Variants in FAM178B observed in about 807,000 individuals in gnomAD.
FAM178B encodes the protein protein FAM178B.
In FAM178B, 82 loss-of-function variants were observed where a neutral mutation model predicts 91.7. That is an observed-to-expected ratio of 0.89 (90% CI 0.75 to 1.07). The LOEUF (loss-of-function observed/expected upper bound fraction) is 1.07, where lower values mean the gene tolerates loss of function less well. Ranked by LOEUF, FAM178B falls within the 50% of genes least tolerant of loss-of-function variation. The probability of loss-of-function intolerance (pLI) is 0.00; values close to 1 mark genes in which losing one functional copy is unlikely to be tolerated. For missense variants in FAM178B, 769 were observed against 846.7 expected (o/e 0.91, Z 1.14); for synonymous variants, 368 against 359.4 (o/e 1.02, Z -0.27).
chr2:96,921,620 G>C lies in FAM178B; in HGVS notation c.1322C>G (p.Ala441Gly), dbSNP rs576828386. 8.9e-5 allele frequency: 138 copies of C among 1,551,474 alleles called. No individual in the cohort carries two copies. The highest frequency in any genetic ancestry group is 1.2e-4 in the Non-Finnish European group (133 of 1,146,986). ...TCCCATGAGGTTCTCATCAGTGTAGGCCCCCGGCTGGGCCTGGGCACACAG... is the reference window on the plus strand; with the variant it reads ...TCCCATGAGGTTCTCATCAGTGTAGCCCCCCGGCTGGGCCTGGGCACACAG... ...LALCAQAQPG[A>G]YTDENLMGLI... is the part of the protein sequence containing the mutation. The change falls in exon 11 of 17, where the codon GCC becomes GGC. Residue 441 changes from alanine to glycine, a missense_variant. By Grantham distance (60) the Ala-to-Gly change is moderately conservative. Coordinates refer to ENST00000490605, the MANE Select transcript of FAM178B (RefSeq NM_001122646.3).
intron 1 of FAM178B, among the ~76,000 whole-genome samples, chr2:96,982,437 A>AT (rs34349372): frequency 1.3e-5 from 2 of 151,200 alleles, no homozygotes; most frequent in Non-Finnish European, 2.9e-5. Flanking sequence ...TAATTTTTGT[A>AT]TTTTTTGTAG....
At chr2:96,902,194 C>T (rs1426193087) in intron 13 of FAM178B, among the ~76,000 whole-genome samples, 1 of 151,620 alleles carries the variant, frequency 6.6e-6, no homozygotes, top group Non-Finnish European at 1.5e-5. Context: ...CAAGCTCCAC[C>T]TCCCAGGTTC....
intron 1 of FAM178B, among the ~76,000 whole-genome samples, chr2:96,979,172 TCAC>T (rs1392962965): frequency 2.0e-5 from 3 of 150,948 alleles, no homozygotes; most frequent in Admixed American, 6.6e-5. Flanking sequence ...AGATGGGGTT[TCAC>T]CACGTTGGCC....
At chr2:96,938,505 TTC>T (rs761200149) in intron 8 of FAM178B, among the ~76,000 whole-genome samples, 111 of 152,146 alleles carry the variant, frequency 7.3e-4, no homozygotes, top group Non-Finnish European at 1.5e-3. Context: ...ACATCAGAGC[TTC>T]TCTGGTACAC....
rs1027687722 is a variant in FAM178B, at chr2:96,967,564, G to GA, written c.689_690insT (p.Asp232GlyfsTer3). On this transcript the variant is annotated frameshift_variant, in exon 5 of 17. Coordinates refer to ENST00000490605, the MANE Select transcript of FAM178B (RefSeq NM_001122646.3). LOFTEE classifies it high-confidence loss of function. ...GCACTTCCTCTTCATCAAGATCCAA[G>GA]GAGTTGAGATTGAGACACTCCTGCA... The GA allele has an allele frequency of 1.1e-4, 165 of 1,550,640 alleles. No individual in the cohort carries two copies. The highest frequency in any genetic ancestry group is 1.4e-4 in the Non-Finnish European group (163 of 1,146,900).
Position 96,972,574 on chromosome 2 carries a change from G to T in FAM178B, c.106C>A (p.Pro36Thr). 1.3e-6 allele frequency: 2 copies of T among 1,551,664 alleles called. No homozygotes were observed. Among genetic ancestry groups the T allele is most frequent in the Non-Finnish European group, 1.7e-6 (2 of 1,146,982 alleles). ...GGAAGGGCTAGCACCGTCTCCTGGG[G>T]CCCAGCCATCTGCAAGCCGTGGGAC... ...QMSHGLQMAG[P>T]QETVLALPLR... The change falls in exon 2 of 17, where the codon CCC becomes ACC. Residue 36 changes from proline to threonine, a missense_variant. Physicochemically the swap from Pro to Thr is conservative, Grantham distance 38. Coordinates refer to ENST00000490605, the MANE Select transcript of FAM178B (RefSeq NM_001122646.3).
At chr2:96,914,757 G>A (rs1237433538) in intron 12 of FAM178B, among the ~76,000 whole-genome samples, 5 of 152,032 alleles carry the variant, frequency 3.3e-5, no homozygotes, top group Non-Finnish European at 7.4e-5. Context: ...AGGTGGGATG[G>A]TGCATGCCTG....
intron 5 of FAM178B, among the ~76,000 whole-genome samples, chr2:96,965,497 G>T (rs1310935129): frequency 4.7e-5 from 7 of 150,474 alleles, no homozygotes. Context: ...AGGTCTTGCT[G>T]TGTCACCCAG....
At chr2:96,910,205 A>C (rs2153369972) in intron 12 of FAM178B, among the ~76,000 whole-genome samples, 1 of 152,268 alleles carries the variant, frequency 6.6e-6, no homozygotes, top group Admixed American at 6.5e-5. Flanking sequence ...CCCCTAGAGA[A>C]TAACCTGGAG....
intron 5 of FAM178B, among the ~76,000 whole-genome samples, chr2:96,965,980 C>T (rs2082137762): frequency 6.6e-6 from 1 of 152,064 alleles, no homozygotes; most frequent in South Asian, 2.1e-4. Flanking sequence ...CCTGCCAAGG[C>T]CTCCTCTGCT....
chr2:96,929,145 A>G, intron 9 of FAM178B, 61 bp downstream of exon 9: 1 of 1,194,534 alleles, frequency 8.4e-7, no homozygotes, highest in Non-Finnish European at 1.2e-6. Flanking sequence ...AGTGACAGAG[A>G]GAGACCCTGT....
chr2:96,931,245 C>G (rs1374519032), intron 8 of FAM178B, among the ~76,000 whole-genome samples: 1 of 152,136 alleles, frequency 6.6e-6, no homozygotes, highest in Non-Finnish European at 1.5e-5. Context: ...CCTGAGGACC[C>G]ACTTCAGCAC....
At chr2:96,960,589 G>T in intron 5 of FAM178B, 149 bp from the exon 6 acceptor site, 1 of 906,746 alleles carries the variant, frequency 1.1e-6, no homozygotes, top group Non-Finnish European at 1.6e-6. Context: ...GCCACCTGCT[G>T]ATGGAGGAAG....
chr2:96,968,087 C>CA (rs1553509368), intron 4 of FAM178B, among the ~76,000 whole-genome samples: 1 of 150,748 alleles, frequency 6.6e-6, no homozygotes, highest in Non-Finnish European at 1.5e-5. Flanking sequence ...CGGATTCGTT[C>CA]TTTTTTTTTA....
At chr2:96,934,587 G>A (rs1559082576) in intron 8 of FAM178B, among the ~76,000 whole-genome samples, 1 of 152,138 alleles carries the variant, frequency 6.6e-6, no homozygotes, top group Non-Finnish European at 1.5e-5. Context: ...TGCACATTTT[G>A]TTGCCCCGAT....
intron 14 of FAM178B, among the ~76,000 whole-genome samples, chr2:96,890,547 A>T (rs1224998253): frequency 6.6e-6 from 1 of 152,236 alleles, no homozygotes; most frequent in Non-Finnish European, 1.5e-5. Flanking sequence ...ACATCTGGCC[A>T]GATATGGTTT....
chr2:96,877,161 G>A (rs949894352), intron 16 of FAM178B, among the ~76,000 whole-genome samples: 7 of 152,082 alleles, frequency 4.6e-5, no homozygotes, highest in African/African-American at 9.7e-5. Context: ...AAAACTCGGC[G>A]GGGGTAGGGG....
intron 13 of FAM178B, among the ~76,000 whole-genome samples, chr2:96,895,572 C>T (rs1251357248): frequency 6.6e-6 from 1 of 152,234 alleles, no homozygotes; most frequent in Admixed American, 6.5e-5. Context: ...CAAGGACTGC[C>T]CAGCTGCCCT....
chr2:96,982,259 T>A (rs2082372036), intron 1 of FAM178B, among the ~76,000 whole-genome samples: 1 of 151,908 alleles, frequency 6.6e-6, no homozygotes, highest in South Asian at 2.1e-4. Context: ...GTACATACTT[T>A]ATATATATTA....
Sources: allele counts gnomAD v4.1 joint callset (sites outside exome capture counted in the v4.1 genomes callset), GRCh38; gene constraint gnomAD v4.1.1; transcripts MANE v1.5; gene names NCBI Gene and HGNC (gene_info 2026-07-23, HGNC 2026-07-21).